Variants in SOX5 observed in about 807,000 individuals in gnomAD.
SOX5 encodes transcription factor SOX-5.
Under a neutral mutation model 92.0 loss-of-function variants are expected in SOX5, and 9 were observed. That is an observed-to-expected ratio of 0.10 (90% CI 0.06 to 0.17). The LOEUF (loss-of-function observed/expected upper bound fraction) is 0.17. Among genes scored for constraint, SOX5 ranks in the 10% least tolerant of loss-of-function variants. SOX5 has a pLI of 1.00. For synonymous variants in SOX5, 344 were observed against 336.3 expected (o/e 1.02, Z -0.25); for missense variants, 642 against 944.5 (o/e 0.68, Z 4.20).
intron 4 of SOX5, among the ~76,000 whole-genome samples, chr12:24,117,622 A>G (rs1417863237): frequency 6.6e-6 from 1 of 152,214 alleles, no homozygotes; most frequent in African/African-American, 2.4e-5. Flanking sequence ...ACACAGTAGC[A>G]TACTATCCAG....
At chr12:24,322,836 T>C (rs1177040329) in intron 2 of SOX5, among the ~76,000 whole-genome samples, 1 of 123,500 alleles carries the variant, frequency 8.1e-6, no homozygotes, top group Non-Finnish European at 2.1e-5. Flanking sequence ...TCAAATAATG[T>C]TGTTGTTGTT....
chr12:24,253,092 A>G (rs1940468515), intron 3 of SOX5, among the ~76,000 whole-genome samples: 1 of 151,856 alleles, frequency 6.6e-6, no homozygotes, highest in Non-Finnish European at 1.5e-5. Context: ...TTGAGATAAG[A>G]AAAGAAAGAC....
At chr12:24,277,896 C>T (rs1310479816) in intron 2 of SOX5, among the ~76,000 whole-genome samples, 4 of 152,148 alleles carry the variant, frequency 2.6e-5, no homozygotes, top group African/African-American at 7.2e-5. Flanking sequence ...CATTCCATCA[C>T]TGCTATGTAT....
At chr12:23,992,211 T>C (rs1197135390) in intron 4 of SOX5, among the ~76,000 whole-genome samples, 2 of 152,148 alleles carry the variant, frequency 1.3e-5, no homozygotes, top group Non-Finnish European at 2.9e-5. Context: ...GAAGTTGGTC[T>C]GGCAACACCC....
chr12:23,548,897 G>C (rs1413043459), intron 11 of SOX5, among the ~76,000 whole-genome samples: 3 of 152,046 alleles, frequency 2.0e-5, no homozygotes, highest in South Asian at 2.1e-4. Context: ...CAATTGAATG[G>C]CATATAGGAG....
upstream of SOX5, among the ~76,000 whole-genome samples, chr12:23,949,860 G>A (rs758639269): frequency 9.5e-4 from 142 of 148,844 alleles, no homozygotes; most frequent in Non-Finnish European, 4.9e-4. Flanking sequence ...AAGGGGTAGT[G>A]CACTTCCAGC....
At chr12:24,524,311 TG>T (rs1485121240) in intron 1 of SOX5, among the ~76,000 whole-genome samples, 1 of 152,112 alleles carries the variant, frequency 6.6e-6, no homozygotes, top group African/African-American at 2.4e-5. Flanking sequence ...TCCATACCCA[TG>T]AGCCAATTTC....
chr12:23,701,726 T>G (rs2090653137), intron 6 of SOX5, among the ~76,000 whole-genome samples: 1 of 152,062 alleles, frequency 6.6e-6, no homozygotes, highest in South Asian at 2.1e-4. Flanking sequence ...AATAGATTTG[T>G]AGTGACATAA....
At chr12:24,172,373 C>CA (rs1309799780) in intron 4 of SOX5, among the ~76,000 whole-genome samples, 3 of 151,848 alleles carry the variant, frequency 2.0e-5, no homozygotes, top group East Asian at 3.9e-4. Context: ...CCTGTCTCTC[C>CA]AAAAAAACTA....
intron 2 of SOX5, among the ~76,000 whole-genome samples, chr12:24,339,904 C>T (rs1447552354): frequency 6.6e-6 from 1 of 152,254 alleles, no homozygotes; most frequent in Non-Finnish European, 1.5e-5. Flanking sequence ...AAAGGCACTG[C>T]CTCCCCCAGG....
At chr12:24,532,159 A>G (rs1364918928) in intron 1 of SOX5, among the ~76,000 whole-genome samples, 1 of 152,068 alleles carries the variant, frequency 6.6e-6, no homozygotes, top group Non-Finnish European at 1.5e-5. Context: ...CCCTTTTTCT[A>G]TCTATGTAAT....
At chr12:23,584,466 T>C in intron 9 of SOX5, 2 of 1,058,504 alleles carry the variant, frequency 1.9e-6, no homozygotes, top group Non-Finnish European at 3.0e-6. Flanking sequence ...GGAGAAATCA[T>C]AGAAAGCATC....
chr12:24,360,099 T>A (rs1955370039), intron 2 of SOX5, among the ~76,000 whole-genome samples: 1 of 152,224 alleles, frequency 6.6e-6, no homozygotes, highest in African/African-American at 2.4e-5. Context: ...TTGGTAAAGT[T>A]ACTTAGAAGT....
chr12:24,006,897 G>A (rs1441089209), intron 4 of SOX5, among the ~76,000 whole-genome samples: 1 of 151,792 alleles, frequency 6.6e-6, no homozygotes, highest in African/African-American at 2.4e-5. Context: ...ACTTTGGGAG[G>A]CCAAGGCGGG....
chr12:24,367,020 A>T (rs1956241617), intron 2 of SOX5, among the ~76,000 whole-genome samples: 1 of 152,194 alleles, frequency 6.6e-6, no homozygotes, highest in Non-Finnish European at 1.5e-5. Flanking sequence ...ATGGTGAAAC[A>T]AATTGAGATT....
At chr12:23,955,307 T>C (rs1595886980), upstream of SOX5, among the ~76,000 whole-genome samples, 1 of 152,154 alleles carries the variant, frequency 6.6e-6, no homozygotes, top group Non-Finnish European at 1.5e-5. Flanking sequence ...TAAAAGATAG[T>C]TCATTCACAC....
At chr12:24,523,725 G>C (rs532341212) in intron 1 of SOX5, among the ~76,000 whole-genome samples, 1 of 152,208 alleles carries the variant, frequency 6.6e-6, no homozygotes, top group Non-Finnish European at 1.5e-5. Context: ...TTTCATATCA[G>C]ACACAAAAAA....
In SOX5 at chr12:23,740,995, T is replaced by C. The variant is rs1171507811; in HGVS notation, c.613A>G (p.Met205Val). 6.2e-7 allele frequency: 1 copy of C among 1,609,750 alleles called. No individual in the cohort carries two copies. The highest frequency in any genetic ancestry group is 8.5e-7 in the Non-Finnish European group (1 of 1,176,784). The change falls in exon 5 of 15, where the codon ATG (methionine) becomes GTG (valine). Residue 205 changes from methionine to valine, a missense_variant. Coordinates refer to ENST00000451604, the MANE Select transcript of SOX5 (RefSeq NM_006940.6). ...CGGAGGCTGGTCAGCTGGTTGATCA[T>C]ACCCATGAGTTGCCTTTCTTTCTCA... Reference protein sequence around the residue: ...LAEKERQLMGMINQLTSLREQ... With the variant: ...LAEKERQLMGVINQLTSLREQ...
intron 4 of SOX5, among the ~76,000 whole-genome samples, chr12:24,114,065 C>G (rs115805166): frequency 0.012 from 1,858 of 152,270 alleles, 32 homozygotes; most frequent in African/African-American, 0.042. Flanking sequence ...TGGCTAGCAT[C>G]TGACCCATCT....
Sources: allele counts gnomAD v4.1 joint callset (sites outside exome capture counted in the v4.1 genomes callset), GRCh38; gene constraint gnomAD v4.1.1; transcripts MANE v1.5; gene names NCBI Gene and HGNC (gene_info 2026-07-23, HGNC 2026-07-21).